The following KRT32 variants were observed in gnomAD, a reference collection of about 807,000 sequenced individuals.
KRT32 encodes keratin 32.
KRT32 carries 44 observed loss-of-function variants against 41.8 expected under a neutral mutation model. That is an observed-to-expected ratio of 1.05 (90% CI 0.83 to 1.35). The LOEUF (loss-of-function observed/expected upper bound fraction) is 1.35, where lower values mean the gene tolerates loss of function less well. Ranked by LOEUF, KRT32 falls within the 40% of genes most tolerant of loss-of-function variation. The pLI, the probability that KRT32 is intolerant of heterozygous loss-of-function variation, is 0.00. For missense variants in KRT32, 576 were observed against 584.6 expected, an observed-to-expected ratio of 0.99 and a Z score of 0.15; for synonymous variants, 238 against 242.5, an observed-to-expected ratio of 0.98 and a Z score of 0.17.
chr17:41,464,531 A>T, intron 3 of KRT32, 88 bp from the exon 4 acceptor site: 1 of 1,297,510 alleles, frequency 7.7e-7, no homozygotes, highest in Non-Finnish European at 1.0e-6. Context: ...ATGCAACAAA[A>T]GTTGCTAAAG....
intron 1 of KRT32, 122 bp from the exon 2 acceptor site, chr17:41,466,298 G>T (rs1371875959): frequency 1.0e-5 from 7 of 692,080 alleles, no homozygotes; most frequent in Non-Finnish European, 1.7e-5. Context: ...CCTGCAGAAG[G>T]TCCTCTTCCC....
chr17:41,460,154 T>C lies in KRT32; in HGVS notation c.1303A>G (p.Thr435Ala). 6.2e-7 allele frequency: 1 copy of C among 1,613,582 alleles called. No individual in the cohort carries two copies. The highest frequency in any genetic ancestry group is 8.5e-7 in the Non-Finnish European group (1 of 1,179,758). Reference protein sequence around the residue: ...CVPRTVCVPRTVGMPCSPCPQ... With the variant: ...CVPRTVCVPRAVGMPCSPCPQ... ...CAGGGTGAGCAAGGCATGCCAACAG[T>C]GCGTGGCACACAGACGGTGCGGGGC... The change falls in exon 7 of 7, where the codon ACT becomes GCT. Residue 435 changes from threonine to alanine, a missense_variant. Coordinates refer to ENST00000225899, the MANE Select transcript of KRT32 (RefSeq NM_002278.3).
chr17:41,465,591 C>T (rs556752923), intron 3 of KRT32, among the ~76,000 whole-genome samples, 182 bp downstream of exon 3: 10 of 152,252 alleles, frequency 6.6e-5, no homozygotes, highest in South Asian at 2.1e-4. Flanking sequence ...AATAACCCTG[C>T]GTGATCATGT....
rs758020015 is a variant in KRT32 at position 41,460,325 on chromosome 17, C to T, written c.1218-86G>A. On this transcript the variant is annotated intron_variant, in intron 6 of 6. Coordinates refer to ENST00000225899, the MANE Select transcript of KRT32 (RefSeq NM_002278.3). The stretch of plus-strand genomic sequence containing the variant: ...CTGCCAATTCTCCCCTCGGATGCCT[C>T]TCAACCCCATCTTCCGTGCTTTCTC... 104 of 1,475,642 alleles carry T rather than the reference C, an allele frequency of 7.0e-5. No individual in the cohort carries two copies. The Middle Eastern group carries it at 8.6e-4, about 12-fold the overall frequency. The allele number at this position is 1,475,642 out of a possible 1,614,324, so 91.4% of individuals were successfully genotyped here.
At chr17:41,466,547 A>G (rs1358857187) in intron 1 of KRT32, among the ~76,000 whole-genome samples, 1 of 152,188 alleles carries the variant, frequency 6.6e-6, no homozygotes, top group Non-Finnish European at 1.5e-5. Context: ...TCATCTCATC[A>G]AATCCTTTTG....
intron 1 of KRT32, 58 bp from the exon 2 acceptor site, chr17:41,466,234 C>T: frequency 7.0e-7 from 1 of 1,431,372 alleles, no homozygotes; most frequent in Non-Finnish European, 9.8e-7. Flanking sequence ...CAAGAAGAAC[C>T]CAAATGAAGA....
chr17:41,464,619 C>G (rs1349326186), intron 3 of KRT32, among the ~76,000 whole-genome samples, 176 bp from the exon 4 acceptor site: 1 of 152,248 alleles, frequency 6.6e-6, no homozygotes, highest in Non-Finnish European at 1.5e-5. Flanking sequence ...CAGCTGAATA[C>G]CCCTGCGATG....
chr17:41,467,196 T>G lies in KRT32; in HGVS notation c.130A>C (p.Met44Leu). 1.2e-6 allele frequency: 2 copies of G among 1,613,882 alleles called. No homozygotes were observed. The highest frequency in any genetic ancestry group is 1.7e-6 in the Non-Finnish European group (2 of 1,179,990). Reference sequence around the variant, plus strand: ...AGGCAGACCGAAGGCAGGCATGCCATGGGCTGGCAGACATAGCCCAGGCAC... The same window carrying G: ...AGGCAGACCGAAGGCAGGCATGCCAGGGGCTGGCAGACATAGCCCAGGCAC... Reference protein sequence around the residue: ...ELCLGYVCQPMACLPSVCLPT... With the variant: ...ELCLGYVCQPLACLPSVCLPT... Residue 44 changes from methionine to leucine, a missense_variant, in exon 1 of 7, where the codon ATG becomes CTG. Transcript: ENST00000225899.
At position 41,465,925 on chromosome 17, in the gene KRT32, C is replaced by G; in HGVS notation, c.556G>C (p.Glu186Gln). 6.2e-7 allele frequency: 1 copy of G among 1,612,962 alleles called. No homozygotes were observed. The highest frequency in any genetic ancestry group is 2.2e-5 in the East Asian group (1 of 44,852). The stretch of plus-strand genomic sequence containing the variant: ...AGCTGCCGCATGGCCAGCTCTGCCT[C>G]GTACCTGCACAAGGACAGGGTCAGC... ...LAADDFRAKY[E>Q]AELAMRQLVE... is the part of the protein sequence containing the mutation. The change falls in exon 3 of 7, where the codon GAG becomes CAG. Residue 186 changes from glutamate (E) to glutamine (Q), a missense_variant. Transcript: ENST00000225899.
chr17:41,460,769 T>C (rs1459400495), intron 6 of KRT32, among the ~76,000 whole-genome samples: 1 of 152,134 alleles, frequency 6.6e-6, no homozygotes, highest in Admixed American at 6.5e-5. Flanking sequence ...AAAACCTAGA[T>C]GACGGGTTGA....
rs770974805 is a variant in KRT32 at position 41,463,089 on chromosome 17, G to A, written c.997-39C>T. The A allele has an allele frequency of 4.5e-6, 7 of 1,562,798 alleles. No homozygotes were observed. In the Admixed American group the frequency reaches 1.1e-4, roughly 24 times the overall value. On this transcript the variant is annotated intron_variant, in intron 5 of 6. Coordinates refer to ENST00000225899, the MANE Select transcript of KRT32 (RefSeq NM_002278.3). ...AGACATAACCATGAGGAAGGGAGCT[G>A]TTTACCATGGCCTGCTTCAGAAAGA... is the stretch of plus-strand genomic sequence containing the variant.
chr17:41,464,095 G>T lies in KRT32; in HGVS notation c.979C>A (p.Gln327Lys). Reference sequence around the variant, plus strand: ...GCTCTCACCAGGCTGTGCTGGGCCTGCAGCTCGATCTCCAGCGTGTTGACC... The same window carrying T: ...GCTCTCACCAGGCTGTGCTGGGCCTTCAGCTCGATCTCCAGCGTGTTGACC... ...RTVNTLEIELQAQHSLRDSLE... is the reference protein window; with the variant it reads ...RTVNTLEIELKAQHSLRDSLE... Residue 327 changes from glutamine (Q) to lysine (K), a missense_variant, in exon 5 of 7, where the codon CAG becomes AAG. Transcript: ENST00000225899. 6.2e-7 allele frequency: 1 copy of T among 1,602,966 alleles called. No homozygotes were observed. Among genetic ancestry groups the T allele is most frequent in the Admixed American group, 1.7e-5 (1 of 59,048 alleles).
chr17:41,460,740 T>C (rs2018993911), intron 6 of KRT32, among the ~76,000 whole-genome samples: 1 of 151,922 alleles, frequency 6.6e-6, no homozygotes, highest in Non-Finnish European at 1.5e-5. Context: ...AAAACAAATA[T>C]CTAATGCATG....
rs747563694 is a variant in KRT32, at chr17:41,462,830, T to A, written c.1217A>T (p.Lys406Met). 2 of 1,613,104 alleles carry A rather than the reference T, an allele frequency of 1.2e-6. No individual in the cohort carries two copies. The highest frequency in any genetic ancestry group is 4.5e-5 in the East Asian group (2 of 44,866). Reference sequence around the variant, plus strand: ...CTAAGCCTCAGCTGGGCCTGCGTACTTGCAGTCCTCGTTCTCCAGCAGGCT... The same window carrying A: ...CTAAGCCTCAGCTGGGCCTGCGTACATGCAGTCCTCGTTCTCCAGCAGGCT... Reference protein sequence around the residue: ...YRSLLENEDCKLPCNPCSTPS... With the variant: ...YRSLLENEDCMLPCNPCSTPS... The change falls in exon 6 of 7, where the codon AAG (lysine) becomes ATG (methionine). Residue 406 changes from lysine (K) to methionine (M), a missense_variant and splice_region_variant. By Grantham distance (95) the Lys-to-Met change is moderately conservative (BLOSUM62 -1). Transcript: ENST00000225899.
At position 41,465,917 on chromosome 17, in the gene KRT32, C is replaced by A. The variant is rs1341196242; in HGVS notation, c.564G>T (p.Glu188Asp). The change falls in exon 3 of 7, where the codon GAG (glutamate) becomes GAT (aspartate). Residue 188 changes from glutamate to aspartate, a missense_variant. Transcript: ENST00000225899. ...CCTCCACCAGCTGCCGCATGGCCAGCTCTGCCTCGTACCTGCACAAGGACA... is the reference window on the plus strand; with the variant it reads ...CCTCCACCAGCTGCCGCATGGCCAGATCTGCCTCGTACCTGCACAAGGACA... Reference protein sequence around the residue: ...ADDFRAKYEAELAMRQLVEAD... With the variant: ...ADDFRAKYEADLAMRQLVEAD... 20 of 1,613,440 alleles carry A rather than the reference C, an allele frequency of 1.2e-5. No individual in the cohort carries two copies. In the Admixed American group the frequency reaches 3.3e-4, roughly 27 times the overall value.
At chr17:41,466,490 T>G (rs936402843) in intron 1 of KRT32, among the ~76,000 whole-genome samples, 3 of 152,252 alleles carry the variant, frequency 2.0e-5, no homozygotes, top group African/African-American at 4.8e-5. Flanking sequence ...TGACATTTAC[T>G]GAAAACTTAC....
chr17:41,463,280 T>C (rs1373707653), intron 5 of KRT32, among the ~76,000 whole-genome samples: 1 of 152,378 alleles, frequency 6.6e-6, no homozygotes, highest in Non-Finnish European at 1.5e-5. Flanking sequence ...AAATCCCTCC[T>C]TTCTTCTGCA....
intron 6 of KRT32, 124 bp downstream of exon 6, chr17:41,462,706 T>G: frequency 6.5e-6 from 7 of 1,069,782 alleles, no homozygotes; most frequent in Non-Finnish European, 9.4e-6. Context: ...ACCAGCTTCT[T>G]AATGGCTCCA....
chr17:41,465,826 G>A lies in KRT32; in HGVS notation c.655C>T (p.Gln219Ter). 1 of 1,613,642 alleles carries A rather than the reference G, an allele frequency of 6.2e-7. No individual in the cohort carries two copies. The highest frequency in any genetic ancestry group is 8.5e-7 in the Non-Finnish European group (1 of 1,179,760). ...AGCTCCTCCTTCAGGGACTCAACCT[G>A]GGCCTCCAGGTCAGCCTTGCACAGA... is the stretch of plus-strand genomic sequence containing the variant. ...LTLCKADLEAQVESLKEELMC... is the reference protein window; with the variant it reads ...LTLCKADLEA Residue 219 changes from glutamine (Q) to a stop codon, truncating the protein, a stop_gained, in exon 3 of 7, where the codon CAG (glutamine) becomes TAG (stop). Transcript: ENST00000225899. LOFTEE classifies it high-confidence loss of function.
Sources: gnomAD v4.1 joint callset for allele counts (sites outside exome capture counted in the v4.1 genomes callset) on GRCh38, gnomAD v4.1.1 for gene constraint, MANE v1.5 for transcripts, NCBI Gene and HGNC (gene_info 2026-07-23, HGNC 2026-07-21) for gene names.